The following DPP8 variants were observed in gnomAD, a reference collection of about 807,000 sequenced individuals.
The protein encoded by DPP8 is DPP VIII.
A neutral mutation model predicts 107.5 loss-of-function variants in DPP8; 31 were observed. The ratio of observed to expected loss-of-function variants is 0.29; its 90% CI spans 0.22 to 0.39. The LOEUF is 0.39. Ranked by LOEUF, DPP8 falls within the 10% of genes least tolerant of loss-of-function variation. DPP8 has a pLI of 1.00. For synonymous variants in DPP8, 381 were observed against 356.6 expected, an observed-to-expected ratio of 1.07 and a Z score of -0.77; for missense variants, 842 against 1,076.1, an observed-to-expected ratio of 0.78 and a Z score of 3.04.
At chr15:65,447,642 G>A (rs2063572226) in intron 19 of DPP8, among the ~76,000 whole-genome samples, 1 of 152,180 alleles carries the variant, frequency 6.6e-6, no homozygotes, top group Non-Finnish European at 1.5e-5. Context: ...GTCACAAGCT[G>A]AACTGCTGCT....
chr15:65,465,031 G>C (rs1027433741), intron 14 of DPP8, among the ~76,000 whole-genome samples: 1 of 152,124 alleles, frequency 6.6e-6, no homozygotes, highest in African/African-American at 2.4e-5. Flanking sequence ...AAGCTATACA[G>C]ACCTCTCCTA....
rs188814262 is a variant in DPP8 at position 65,455,155 on chromosome 15, C to T, written c.2119-740G>A. Among the ~76,000 whole-genome samples the T allele has an allele frequency of 2.9e-3, 440 of 152,218 alleles. 2 individuals carry two copies. The highest frequency in any genetic ancestry group is 0.017 in the Middle Eastern group (5 of 294). On this transcript the variant is annotated intron_variant, in intron 16 of 19. Transcript: ENST00000300141. ...TCCTTTTTATCTATTTTTTTGGAGA[C>T]ATGGTCTCACTCTGCTGTCCAGGTT...
At chr15:65,470,509 G>C (rs1270653705) in intron 12 of DPP8, among the ~76,000 whole-genome samples, 1 of 150,822 alleles carries the variant, frequency 6.6e-6, no homozygotes, top group East Asian at 2.0e-4. Flanking sequence ...AGGGGGCTGA[G>C]GCAGGAGAAT....
chr15:65,482,856 A>C (rs1397370820), intron 8 of DPP8, among the ~76,000 whole-genome samples: 1 of 150,280 alleles, frequency 6.7e-6, no homozygotes, highest in Non-Finnish European at 1.5e-5. Context: ...CAGCACTTTG[A>C]GAGGCCGAGG....
chr15:65,469,267 G>C (rs944840300), intron 12 of DPP8, among the ~76,000 whole-genome samples: 1 of 151,698 alleles, frequency 6.6e-6, no homozygotes, highest in Non-Finnish European at 1.5e-5. Flanking sequence ...GAGCCACTGC[G>C]CCCAGCCAAG....
At chr15:65,472,924 G>C (rs558446835) in intron 12 of DPP8, among the ~76,000 whole-genome samples, 3 of 152,250 alleles carry the variant, frequency 2.0e-5, no homozygotes, top group Admixed American at 2.0e-4. Context: ...TGTAGTCTCA[G>C]CTACCTGGGA....
At chr15:65,477,033 G>C (rs1001315388) in intron 11 of DPP8, among the ~76,000 whole-genome samples, 1 of 152,152 alleles carries the variant, frequency 6.6e-6, no homozygotes, top group Admixed American at 6.5e-5. Flanking sequence ...TTGGGGGAAG[G>C]GGGTAATAGA....
rs1403817884 is a variant in DPP8 at position 65,467,199 on chromosome 15, G to T, written c.1561C>A (p.Leu521Met). The T allele has an allele frequency of 6.2e-7, 1 of 1,613,924 alleles. No individual in the cohort carries two copies. Among genetic ancestry groups the T allele is most frequent in the Non-Finnish European group, 8.5e-7 (1 of 1,180,012 alleles). ...SNIQVDEVRR[L>M]VYFEGTKDSP... Reference sequence around the variant, plus strand: ...TCTTTGGTGCCTTCAAAATATACCAGCCTTCTGACTTCATCAACTTGGATC... The same window carrying T: ...TCTTTGGTGCCTTCAAAATATACCATCCTTCTGACTTCATCAACTTGGATC... Residue 521 changes from leucine to methionine, a missense_variant, in exon 13 of 20, where the codon CTG (leucine) becomes ATG (methionine). This residue lies in a region of DPP8 where 663 missense variants were observed against 758.0 expected (regional missense o/e 0.87). Coordinates refer to ENST00000300141, the MANE Select transcript of DPP8 (RefSeq NM_130434.5).
At chr15:65,453,574 G>C (rs916547532) in intron 17 of DPP8, among the ~76,000 whole-genome samples, 5 of 152,000 alleles carry the variant, frequency 3.3e-5, no homozygotes, top group Middle Eastern at 3.2e-3. Flanking sequence ...TTCAAGACCA[G>C]CCTAGCCAAC....
At chr15:65,471,028 T>C (rs932323395) in intron 12 of DPP8, among the ~76,000 whole-genome samples, 3 of 152,134 alleles carry the variant, frequency 2.0e-5, no homozygotes, top group Non-Finnish European at 4.4e-5. Context: ...AAGTAGTAGA[T>C]GTTTAGGTGA....
rs397969608 is a variant in DPP8, at chr15:65,446,616, C to CTTTTTTTTTT, written c.*258_*267dup. On this transcript the variant is annotated 3_prime_UTR_variant, in exon 20 of 20. Coordinates refer to ENST00000300141, the MANE Select transcript of DPP8 (RefSeq NM_130434.5). ...TAGTATGAATACATGGTGCTAATGT[C>CTTTTTTTTTT]TTTTTTTTTTTTTTTTTTTTAGTAA... The CTTTTTTTTTT allele has an allele frequency of 8.4e-6, 1 of 119,056 alleles. No individual in the cohort carries two copies. The allele number at this position is 119,056 out of a possible 1,614,324, so 7.4% of individuals were successfully genotyped here.
chr15:65,499,073 G>GTGTC (rs2068900752), intron 4 of DPP8, among the ~76,000 whole-genome samples: 1 of 82,528 alleles, frequency 1.2e-5, no homozygotes, highest in Non-Finnish European at 2.6e-5. Context: ...AAAAAAAAGT[G>GTGTC]TGTGTGTGTG....
chr15:65,451,575 T>C (rs1235691594), intron 18 of DPP8, among the ~76,000 whole-genome samples: 2 of 152,214 alleles, frequency 1.3e-5, no homozygotes, highest in South Asian at 2.1e-4. Context: ...GAATTTTTCA[T>C]TAGGATTAAA....
At chr15:65,467,822 G>A (rs2065493130) in intron 12 of DPP8, among the ~76,000 whole-genome samples, 2 of 152,108 alleles carry the variant, frequency 1.3e-5, no homozygotes, top group African/African-American at 4.8e-5. Flanking sequence ...ACTCTTTACA[G>A]GGGAAAAAAT....
At chr15:65,489,703 C>T (rs2140892492) in intron 6 of DPP8, among the ~76,000 whole-genome samples, 1 of 151,412 alleles carries the variant, frequency 6.6e-6, no homozygotes, top group Non-Finnish European at 1.5e-5. Flanking sequence ...CAGGCGTAAG[C>T]CACCACGCCC....
At chr15:65,495,413 G>T (rs2068483130) in intron 5 of DPP8, among the ~76,000 whole-genome samples, 1 of 151,850 alleles carries the variant, frequency 6.6e-6, no homozygotes, top group Non-Finnish European at 1.5e-5. Flanking sequence ...ACACCAGCCT[G>T]GTCAACATGG....
chr15:65,468,110 C>A (rs1039442431), intron 12 of DPP8, among the ~76,000 whole-genome samples: 2 of 152,126 alleles, frequency 1.3e-5, no homozygotes, highest in African/African-American at 4.8e-5. Flanking sequence ...GCTGAATTCA[C>A]TTAATATTCT....
chr15:65,475,536 G>C, intron 11 of DPP8: 1 of 1,339,862 alleles, frequency 7.5e-7, no homozygotes, highest in Non-Finnish European at 1.1e-6. Context: ...AAACCAGCCC[G>C]GTGCAATCCA....
chr15:65,458,928 GATGA>G (rs1353871765), intron 15 of DPP8: 3 of 151,916 alleles, frequency 2.0e-5, no homozygotes, highest in Admixed American at 6.6e-5. Context: ...CAAGCAAGAA[GATGA>G]ATGATCTTCC....
Sources: gnomAD v4.1 joint callset for allele counts (sites outside exome capture counted in the v4.1 genomes callset) on GRCh38, gnomAD v4.1.1 for gene constraint, gnomAD v4.1.1 regional missense constraint, MANE v1.5 for transcripts, NCBI Gene and HGNC (gene_info 2026-07-23, HGNC 2026-07-21) for gene names.